The following SORCS3 variants were observed in gnomAD, a reference collection of about 807,000 sequenced individuals.
SORCS3 encodes sortilin related VPS10 domain containing receptor 3.
Under a neutral mutation model 146.3 loss-of-function variants are expected in SORCS3, and 57 were observed. That is an observed-to-expected ratio of 0.39 (90% CI 0.31 to 0.49). The LOEUF is 0.49. Among genes scored for constraint, SORCS3 ranks in the 20% least tolerant of loss-of-function variants. The pLI, the probability that SORCS3 is intolerant of heterozygous loss-of-function variation, is 0.92. For synonymous variants in SORCS3, 653 were observed against 618.5 expected (o/e 1.06, Z -0.83); for missense variants, 1,341 against 1,575.5 (o/e 0.85, Z 2.52).
At chr10:105,221,945 A>G (rs2056705076) in intron 19 of SORCS3, among the ~76,000 whole-genome samples, 1 of 152,016 alleles carries the variant, frequency 6.6e-6, no homozygotes, top group South Asian at 2.1e-4. Flanking sequence ...TAGAAAGGAA[A>G]GTAAGGGAAG....
Position 104,844,286 on chromosome 10 carries a change from A to G in SORCS3, c.695+1427A>G, listed in dbSNP as rs1409453213. On this transcript the variant is annotated intron_variant, in intron 2 of 26. Transcript: ENST00000369701. ...AAACCTCCCTTCAAGCCCAAGCACA[A>G]TGATGCTGTGTGATACTTTAAGCCT... 5.9e-5 allele frequency among the ~76,000 whole-genome samples: 9 copies of G among 152,230 alleles called. No individual in the cohort carries two copies. In the South Asian group the frequency reaches 1.2e-3, roughly 21 times the overall value.
intron 13 of SORCS3, among the ~76,000 whole-genome samples, chr10:105,177,717 G>C (rs2119558462): frequency 6.6e-6 from 1 of 152,248 alleles, no homozygotes; most frequent in Non-Finnish European, 1.5e-5. Context: ...GTTTGTGTCA[G>C]AACCTCCAAG....
chr10:105,054,284 T>C (rs1272701343), intron 5 of SORCS3, among the ~76,000 whole-genome samples: 1 of 151,980 alleles, frequency 6.6e-6, no homozygotes, highest in Non-Finnish European at 1.5e-5. Flanking sequence ...AATCTTTCAT[T>C]TTCCCTTTAT....
intron 1 of SORCS3, among the ~76,000 whole-genome samples, chr10:104,675,484 G>A (rs2015902588): frequency 6.6e-6 from 1 of 152,098 alleles, no homozygotes; most frequent in African/African-American, 2.4e-5. Context: ...AGTCTCCTAT[G>A]TTTTATTCTA....
At chr10:105,045,650 A>G (rs1231429293) in intron 5 of SORCS3, among the ~76,000 whole-genome samples, 2 of 152,180 alleles carry the variant, frequency 1.3e-5, no homozygotes, top group African/African-American at 4.8e-5. Flanking sequence ...TTGAGAAAAG[A>G]CAAAATATGC....
chr10:105,006,962 C>G (rs1564733293), intron 4 of SORCS3, among the ~76,000 whole-genome samples: 1 of 152,216 alleles, frequency 6.6e-6, no homozygotes, highest in Admixed American at 6.5e-5. Context: ...AAGGAAAAGA[C>G]TTGGTCTCCT....
chr10:105,207,823 G>A lies in SORCS3; in HGVS notation c.2262-3314G>A, dbSNP rs182730302. Reference sequence around the variant, plus strand: ...TGCATTGCTGACAGGTAGCAGAGCTGAACAGAACTGCTAAACACGGTTATA... The same window carrying A: ...TGCATTGCTGACAGGTAGCAGAGCTAAACAGAACTGCTAAACACGGTTATA... On this transcript the variant is annotated intron_variant, in intron 16 of 26. Coordinates refer to ENST00000369701, the MANE Select transcript of SORCS3 (RefSeq NM_014978.3). Among the ~76,000 whole-genome samples, 14 of 152,286 alleles carry A rather than the reference G, an allele frequency of 9.2e-5. No homozygotes were observed. In the East Asian group the frequency reaches 2.7e-3, roughly 29 times the overall value.
At chr10:105,018,817 T>C (rs2055182945) in intron 4 of SORCS3, among the ~76,000 whole-genome samples, 1 of 104,568 alleles carries the variant, frequency 9.6e-6, no homozygotes, top group Admixed American at 8.8e-5. Flanking sequence ...TTCTATTACC[T>C]CTCTCTCTCT....
At chr10:104,742,535 A>C (rs1041869187) in intron 1 of SORCS3, among the ~76,000 whole-genome samples, 1 of 152,178 alleles carries the variant, frequency 6.6e-6, no homozygotes, top group Non-Finnish European at 1.5e-5. Flanking sequence ...TCCAGTGGGT[A>C]GTGGTAACAT....
intron 20 of SORCS3, among the ~76,000 whole-genome samples, chr10:105,241,294 G>C (rs1033134777): frequency 7.2e-5 from 11 of 152,188 alleles, no homozygotes; most frequent in African/African-American, 2.7e-4. Context: ...CATACACTCT[G>C]GGTGCTGACA....
intron 1 of SORCS3, among the ~76,000 whole-genome samples, chr10:104,713,331 C>T (rs1376324864): frequency 6.6e-6 from 1 of 152,202 alleles, no homozygotes; most frequent in African/African-American, 2.4e-5. Context: ...CCTCAGCAGC[C>T]TCCTGTAAAC....
In SORCS3 at chr10:105,151,613, T is replaced by C. The variant is rs560130907; in HGVS notation, c.1482+3817T>C. Among the ~76,000 whole-genome samples, 4 of 152,172 alleles carry C rather than the reference T, an allele frequency of 2.6e-5. No homozygotes were observed. The East Asian group carries it at 7.8e-4, about 29-fold the overall frequency. On this transcript the variant is annotated intron_variant, in intron 9 of 26. Transcript: ENST00000369701. ...CTGCATGGACCTCTGAAGCTTCTTC[T>C]TGGTAATGGAGAGGAGACAAAGAAA...
chr10:105,013,057 G>A (rs2055144273), intron 4 of SORCS3, among the ~76,000 whole-genome samples: 1 of 152,066 alleles, frequency 6.6e-6, no homozygotes, highest in Non-Finnish European at 1.5e-5. Context: ...GTTAATGTTA[G>A]AAAAATCTAA....
chr10:104,693,609 G>A (rs754303185), intron 1 of SORCS3, among the ~76,000 whole-genome samples: 2 of 152,076 alleles, frequency 1.3e-5, no homozygotes, highest in South Asian at 2.1e-4. Context: ...ACAGTGCTAA[G>A]CCCTGAATAC....
chr10:104,644,068 G>A (rs977318080), intron 1 of SORCS3, among the ~76,000 whole-genome samples: 8 of 152,226 alleles, frequency 5.3e-5, no homozygotes, highest in African/African-American at 9.6e-5. Context: ...GGTCTGGCCC[G>A]TGCTCCCTGG....
intron 3 of SORCS3, among the ~76,000 whole-genome samples, chr10:104,918,993 C>T (rs1016107277): frequency 6.6e-6 from 1 of 152,096 alleles, no homozygotes; most frequent in Non-Finnish European, 1.5e-5. Context: ...TTTTTTTCTA[C>T]TCCTGACAGT....
chr10:104,646,136 G>A (rs1256137108), intron 1 of SORCS3, among the ~76,000 whole-genome samples: 3 of 152,224 alleles, frequency 2.0e-5, no homozygotes, highest in Non-Finnish European at 4.4e-5. Context: ...CTGAGGGGCC[G>A]TAGGGAGAGG....
At chr10:105,033,202 C>T (rs899125235) in intron 4 of SORCS3, among the ~76,000 whole-genome samples, 4 of 152,210 alleles carry the variant, frequency 2.6e-5, no homozygotes, top group African/African-American at 9.6e-5. Context: ...TCAAGGTACA[C>T]TGCCATTCAT....
chr10:104,641,480 G>T lies in SORCS3; in HGVS notation c.153G>T (p.Ser51=). 1 of 1,466,892 alleles carries T rather than the reference G, an allele frequency of 6.8e-7. No homozygotes were observed. Among genetic ancestry groups the T allele is most frequent in the Non-Finnish European group, 9.0e-7 (1 of 1,116,772 alleles). The allele number at this position is 1,466,892 out of a possible 1,614,324, so 90.9% of individuals were successfully genotyped here. ...GGPGRPAAPA[S]RPPALSPLSP... ...CCGGACGCCCGGCGGCCCCGGCTTC[G>T]CGGCCACCGGCGTTGTCTCCACTCT... Residue 51 remains serine (S), a synonymous_variant, in exon 1 of 27, where the codon TCG becomes TCT. Coordinates refer to ENST00000369701, the MANE Select transcript of SORCS3 (RefSeq NM_014978.3). This position sits in a 1 kb window ranked among gnomAD's most constrained non-coding sequence, Gnocchi z 6.4.
Sources: allele counts gnomAD v4.1 joint callset (sites outside exome capture counted in the v4.1 genomes callset), GRCh38; gene constraint gnomAD v4.1.1; non-coding constraint Gnocchi (gnomAD v3.1); transcripts MANE v1.5; gene names NCBI Gene and HGNC (gene_info 2026-07-23, HGNC 2026-07-21).